Variants in SNX24 observed in about 807,000 individuals in gnomAD.
SNX24 encodes the protein sorting nexin-24.
SNX24 carries 22 observed loss-of-function variants against 28.7 expected under a neutral mutation model. The observed-to-expected ratio is 0.77, with a 90% confidence interval of 0.55 to 1.10. SNX24 has a LOEUF of 1.10. SNX24 is among the 50% of genes least tolerant of loss of function. The pLI, the probability that SNX24 is intolerant of heterozygous loss-of-function variation, is 0.00. For missense variants in SNX24, 221 were observed against 201.1 expected, an observed-to-expected ratio of 1.10 and a Z score of -0.60; for synonymous variants, 69 against 71.5, an observed-to-expected ratio of 0.96 and a Z score of 0.18.
intron 3 of SNX24, among the ~76,000 whole-genome samples, chr5:122,976,966 G>T (rs1445858430): frequency 6.6e-6 from 1 of 152,032 alleles, no homozygotes; most frequent in Non-Finnish European, 1.5e-5. Flanking sequence ...TTACAGTGGA[G>T]CAAAATTTGG....
intron 2 of SNX24, among the ~76,000 whole-genome samples, chr5:122,938,144 G>A (rs1231662360): frequency 6.6e-6 from 1 of 152,154 alleles, no homozygotes; most frequent in Non-Finnish European, 1.5e-5. Flanking sequence ...CTCCACACCA[G>A]GCACAGCTGG....
intron 3 of SNX24, among the ~76,000 whole-genome samples, chr5:122,957,556 A>T (rs1310438026): frequency 6.6e-6 from 1 of 152,202 alleles, no homozygotes; most frequent in Non-Finnish European, 1.5e-5. Flanking sequence ...CTGCAAAAAT[A>T]AAAAAACTTC....
chr5:122,853,275 C>T (rs1420753039), intron 1 of SNX24, among the ~76,000 whole-genome samples: 2 of 151,834 alleles, frequency 1.3e-5, no homozygotes, highest in South Asian at 2.1e-4. Flanking sequence ...TACAGGCACC[C>T]GCCACCAAGG....
intron 3 of SNX24, among the ~76,000 whole-genome samples, chr5:122,972,634 G>A (rs1002282435): frequency 6.6e-6 from 1 of 152,206 alleles, no homozygotes; most frequent in African/African-American, 2.4e-5. Context: ...AGGCAGTGCT[G>A]TGTGAAATAC....
intron 5 of SNX24, among the ~76,000 whole-genome samples, chr5:123,020,690 ATG>A (rs1762748919): frequency 6.6e-6 from 1 of 152,218 alleles, no homozygotes; most frequent in Non-Finnish European, 1.5e-5. Context: ...AAAAAAGAAA[ATG>A]TATTAGTTTA....
intron 1 of SNX24, among the ~76,000 whole-genome samples, chr5:122,930,449 A>C (rs1758902035): frequency 6.6e-6 from 1 of 152,222 alleles, no homozygotes; most frequent in Admixed American, 6.5e-5. Flanking sequence ...TTAGCATGTC[A>C]GAGAAAAAGT....
At chr5:122,875,861 C>T (rs1365698743) in intron 1 of SNX24, among the ~76,000 whole-genome samples, 1 of 152,224 alleles carries the variant, frequency 6.6e-6, no homozygotes, top group Admixed American at 6.5e-5. Context: ...GCAGTCTTGG[C>T]TCACTGCAAC....
intron 1 of SNX24, among the ~76,000 whole-genome samples, chr5:122,884,894 T>C (rs377665116): frequency 6.6e-6 from 1 of 152,182 alleles, no homozygotes; most frequent in African/African-American, 2.4e-5. Context: ...AATGCCTCCA[T>C]TGTGGAAAAC....
intron 3 of SNX24, among the ~76,000 whole-genome samples, chr5:122,953,674 A>T (rs13179226): frequency 6.6e-6 from 1 of 152,224 alleles, no homozygotes; most frequent in African/African-American, 2.4e-5. Context: ...AAGGTTTTTC[A>T]TGGAGTTGTG....
At chr5:122,887,736 C>T (rs1371517882) in intron 1 of SNX24, among the ~76,000 whole-genome samples, 1 of 152,162 alleles carries the variant, frequency 6.6e-6, no homozygotes, top group East Asian at 1.9e-4. Flanking sequence ...GAGTTTCGCT[C>T]TTGTTGCCCA....
At position 122,847,140 on chromosome 5, in the gene SNX24, C is replaced by G. The variant is rs181156497; in HGVS notation, c.60+1447C>G. 3.8e-3 allele frequency among the ~76,000 whole-genome samples: 580 copies of G among 152,188 alleles called. 4 individuals carry two copies. Among genetic ancestry groups the G allele is most frequent in the African/African-American group, 0.013 (540 of 41,546 alleles). On this transcript the variant is annotated intron_variant, in intron 1 of 6. Coordinates refer to ENST00000261369, the MANE Select transcript of SNX24 (RefSeq NM_014035.4). ...AAAGGCTGCTTGTTAGAGGCGTTGGCTTTCAAAGAAAAGATGAAGTTGATC... is the reference window on the plus strand; with the variant it reads ...AAAGGCTGCTTGTTAGAGGCGTTGGGTTTCAAAGAAAAGATGAAGTTGATC...
intron 5 of SNX24, chr5:123,025,762 G>T (rs1561748071): frequency 6.2e-7 from 1 of 1,604,308 alleles, no homozygotes; most frequent in Non-Finnish European, 8.5e-7. Context: ...AGCTTTGAAA[G>T]GAAAAAAATG....
chr5:122,910,829 TG>T (rs1177301402), intron 1 of SNX24, among the ~76,000 whole-genome samples: 1 of 152,050 alleles, frequency 6.6e-6, no homozygotes, highest in Non-Finnish European at 1.5e-5. Flanking sequence ...TAGTATTCCA[TG>T]GTGTATATGT....
At chr5:122,900,499 G>A (rs1757391816) in intron 1 of SNX24, among the ~76,000 whole-genome samples, 2 of 152,148 alleles carry the variant, frequency 1.3e-5, no homozygotes, top group South Asian at 4.1e-4. Flanking sequence ...TGGTGGAATG[G>A]CTCACACCTG....
chr5:122,889,906 C>A (rs1756891216), intron 1 of SNX24, among the ~76,000 whole-genome samples: 2 of 150,756 alleles, frequency 1.3e-5, no homozygotes, highest in Admixed American at 1.3e-4. Flanking sequence ...CCAATAATGT[C>A]CTTGTTAGTA....
chr5:122,874,801 A>G (rs1203279468), intron 1 of SNX24, among the ~76,000 whole-genome samples: 1 of 152,208 alleles, frequency 6.6e-6, no homozygotes, highest in African/African-American at 2.4e-5. Context: ...CATGTGTTGA[A>G]TGGTAACCAG....
intron 3 of SNX24, among the ~76,000 whole-genome samples, chr5:122,989,603 T>C (rs1761746688): frequency 6.6e-6 from 1 of 152,190 alleles, no homozygotes; most frequent in African/African-American, 2.4e-5. Flanking sequence ...GTTTTTGATA[T>C]TGCTCTTTGT....
At chr5:122,938,737 GA>G (rs1759298407) in intron 2 of SNX24, among the ~76,000 whole-genome samples, 1 of 11,894 alleles carries the variant, frequency 8.4e-5, no homozygotes, top group Non-Finnish European at 1.2e-4. Context: ...TCAGGAGATC[GA>G]GACCATCCTG....
chr5:123,021,972 CA>C (rs1762768764), intron 5 of SNX24, among the ~76,000 whole-genome samples: 3 of 152,108 alleles, frequency 2.0e-5, no homozygotes, highest in Admixed American at 1.3e-4. Flanking sequence ...CCAAGAGAAC[CA>C]AGAGGGGCCC....
Sources: gnomAD v4.1 joint callset for allele counts (sites outside exome capture counted in the v4.1 genomes callset) on GRCh38, gnomAD v4.1.1 for gene constraint, MANE v1.5 for transcripts, NCBI Gene and HGNC (gene_info 2026-07-23, HGNC 2026-07-21) for gene names.